WNK3: variants seen among roughly 807,000 people sequenced by gnomAD.
The protein encoded by WNK3 is WNK lysine deficient protein kinase 3, also known as serine/threonine-protein kinase WNK3.
Under a neutral mutation model 116.7 loss-of-function variants are expected in WNK3, and 18 were observed. The ratio of observed to expected loss-of-function variants is 0.15; its 90% CI spans 0.11 to 0.23. The LOEUF (loss-of-function observed/expected upper bound fraction) is 0.23. WNK3 is among the 10% of genes least tolerant of loss of function. WNK3 has a pLI of 1.00. For synonymous variants in WNK3, 404 were observed against 469.4 expected (o/e 0.86, Z 1.80); for missense variants, 993 against 1,323.8 (o/e 0.75, Z 3.88).
At chrX:54,292,907 T>C in exon 10 of WNK3, 14 of 1,210,791 alleles carry the variant, frequency 1.2e-5, no homozygotes, top group Non-Finnish European at 1.5e-5. Context: ...TGGGACCTTC[T>C]GAACAGTTAA....
chrX:54,209,425 AAAT>A (rs2067588904), intron 22 of WNK3, among the ~76,000 whole-genome samples: 1 of 2,015 alleles, frequency 5.0e-4, no homozygotes, highest in African/African-American at 2.4e-3. Flanking sequence ...TCTGTCTAAA[AAAT>A]AAATAAATAA....
chrX:54,315,565 G>A (rs189566439), intron 2 of WNK3, among the ~76,000 whole-genome samples: 1 of 111,294 alleles, frequency 9.0e-6, no homozygotes, highest in Non-Finnish European at 1.9e-5. Context: ...AGAGATTCTT[G>A]GATGGTGTAG....
At chrX:54,224,309 G>A (rs782688183) in intron 22 of WNK3, among the ~76,000 whole-genome samples, 38 of 105,253 alleles carry the variant, frequency 3.6e-4, no homozygotes, top group Non-Finnish European at 6.6e-4. Flanking sequence ...CTGATATCAC[G>A]TCATTGCACT....
chrX:54,199,766 T>C (rs987387896), intron 23 of WNK3, among the ~76,000 whole-genome samples: 6 of 111,640 alleles, frequency 5.4e-5, no homozygotes, highest in South Asian at 3.7e-4. Flanking sequence ...CTGGGAGGCA[T>C]AGGCTGCAGT....
chrX:54,211,888 G>T (rs1557143863), intron 22 of WNK3, among the ~76,000 whole-genome samples: 1 of 110,128 alleles, frequency 9.1e-6, no homozygotes, highest in East Asian at 2.8e-4. Flanking sequence ...GGATAAAAGA[G>T]GAAGTCTCAA....
chrX:54,347,483 C>A (rs1268821284), intron 1 of WNK3, among the ~76,000 whole-genome samples: 1 of 109,163 alleles, frequency 9.2e-6, no homozygotes, highest in Non-Finnish European at 1.9e-5. Flanking sequence ...GAGACTCCAT[C>A]TCAAAAAATA....
At chrX:54,307,982 T>C (rs1240645714) in exon 5 of WNK3, 10 of 1,206,186 alleles carry the variant, frequency 8.3e-6, no homozygotes, top group Non-Finnish European at 1.1e-5. Context: ...GATACTCCGA[T>C]GTGGCCATTT....
intron 2 of WNK3, among the ~76,000 whole-genome samples, chrX:54,318,107 C>T (rs2068983704): frequency 9.1e-6 from 1 of 109,477 alleles, no homozygotes. Flanking sequence ...GCCTGTAATC[C>T]CAGCACTTTG....
At chrX:54,281,595 A>C (rs1295281001) in intron 10 of WNK3, among the ~76,000 whole-genome samples, 4 of 112,004 alleles carry the variant, frequency 3.6e-5, no homozygotes, top group African/African-American at 9.7e-5. Flanking sequence ...CCTACTTCTC[A>C]GCCCTTGCCA....
chrX:54,228,710 T>C lies in WNK3; in HGVS notation c.4870+4A>G. ...AAAAGTAAAGAAGCAAAAGAAATACTTACTTTCCAACTCATTTATAAGGCA... is the reference window on the plus strand; with the variant it reads ...AAAAGTAAAGAAGCAAAAGAAATACCTACTTTCCAACTCATTTATAAGGCA... On this transcript the variant is annotated splice_donor_region_variant and intron_variant, in intron 22 of 23. Transcript: ENST00000354646. 2.1e-6 allele frequency: 1 copy of C among 486,681 alleles called. No homozygotes were observed. The highest frequency in any genetic ancestry group is 3.7e-6 in the Non-Finnish European group (1 of 268,696). 40.1% of individuals were successfully genotyped at this position (486,681 alleles called of 1,213,427 possible). A position where few individuals can be genotyped will look rare whatever the true frequency, so the allele number is the denominator to read the frequency against.
exon 24 of WNK3, chrX:54,195,922 C>T (rs971064931): frequency 9.0e-6 from 1 of 111,202 alleles, no homozygotes; most frequent in African/African-American, 3.3e-5. Context: ...GTAGAGCAGT[C>T]ATTAATACAT....
chrX:54,352,717 C>T (rs1400325889), intron 1 of WNK3, among the ~76,000 whole-genome samples: 1 of 111,278 alleles, frequency 9.0e-6, no homozygotes, highest in Non-Finnish European at 1.9e-5. Context: ...CTAGCAGTTG[C>T]GCTCCTAGGT....
intron 1 of WNK3, among the ~76,000 whole-genome samples, chrX:54,346,070 T>A (rs1557177504): frequency 9.5e-6 from 1 of 105,268 alleles, no homozygotes; most frequent in Non-Finnish European, 1.9e-5. Context: ...ATATTCCTAT[T>A]TTCAATATAT....
At position 54,347,358 on chromosome X, in the gene WNK3, T is replaced by C. The variant is rs1557177785; in HGVS notation, c.-120+10328A>G. On this transcript the variant is annotated intron_variant, in intron 1 of 23. Coordinates refer to ENST00000354646, the Ensembl canonical transcript of WNK3. ...AAAATTAGCTGGGCGTGGTGGCATG[T>C]GCCTATGATCCCAGCTACTCAGGAG... 3.6e-5 allele frequency among the ~76,000 whole-genome samples: 4 copies of C among 111,502 alleles called. No individual in the cohort carries two copies. In the Admixed American group the frequency reaches 3.9e-4, roughly 11 times the overall value.
exon 8 of WNK3, chrX:54,294,734 T>C (rs782405643): frequency 3.3e-6 from 4 of 1,211,239 alleles, no homozygotes; most frequent in Non-Finnish European, 4.5e-6. Flanking sequence ...CCCTGCGTTC[T>C]TCCAAACAGC....
At chrX:54,287,921 G>C (rs1321804640) in intron 10 of WNK3, among the ~76,000 whole-genome samples, 2 of 112,389 alleles carry the variant, frequency 1.8e-5, no homozygotes, top group East Asian at 5.6e-4. Context: ...GCTGCTGTGT[G>C]TGTAACACAG....
chrX:54,259,362 C>A, intron 10 of WNK3, 24 bp from the exon 11 acceptor site: 1 of 1,057,634 alleles, frequency 9.5e-7, no homozygotes, highest in Non-Finnish European at 1.3e-6. Context: ...AGACATAAAA[C>A]TTGCTATGAT....
intron 22 of WNK3, among the ~76,000 whole-genome samples, chrX:54,214,435 A>G (rs1290688633): frequency 8.9e-6 from 1 of 112,163 alleles, no homozygotes; most frequent in Non-Finnish European, 1.9e-5. Context: ...ATGGACTTCT[A>G]AAAATGCAGA....
chrX:54,262,449 A>G (rs1281925793), intron 10 of WNK3, among the ~76,000 whole-genome samples: 2 of 111,691 alleles, frequency 1.8e-5, no homozygotes, highest in African/African-American at 6.5e-5. Flanking sequence ...CCTTTTTATT[A>G]TTTTCTTCAG....
Sources: allele counts gnomAD v4.1 joint callset (sites outside exome capture counted in the v4.1 genomes callset), GRCh38; gene constraint gnomAD v4.1.1; transcripts MANE v1.5; gene names NCBI Gene and HGNC (gene_info 2026-07-23, HGNC 2026-07-21).